The following TARS1 variants were observed in gnomAD, a reference collection of about 807,000 sequenced individuals.
The protein encoded by TARS1 is threonine--tRNA ligase 1, cytoplasmic.
In TARS1, 57 loss-of-function variants were observed where a neutral mutation model predicts 97.7. The observed-to-expected ratio is 0.58, with a 90% CI of 0.47 to 0.73. The LOEUF (loss-of-function observed/expected upper bound fraction) is 0.73. Among genes scored for constraint, TARS1 ranks in the 30% least tolerant of loss-of-function variants. TARS1 has a pLI of 0.00. For missense variants in TARS1, 806 were observed against 888.3 expected, an observed-to-expected ratio of 0.91 and a Z score of 1.18; for synonymous variants, 312 against 293.7, an observed-to-expected ratio of 1.06 and a Z score of -0.64.
At chr5:33,447,810 G>A (rs1741496145) in intron 2 of TARS1, among the ~76,000 whole-genome samples, 1 of 152,216 alleles carries the variant, frequency 6.6e-6, no homozygotes, top group African/African-American at 2.4e-5. Flanking sequence ...GATGAATGCT[G>A]TAGATGTTAG....
intron 8 of TARS1, among the ~76,000 whole-genome samples, chr5:33,456,821 A>G (rs1742038897): frequency 6.6e-6 from 1 of 152,224 alleles, no homozygotes; most frequent in Admixed American, 6.5e-5. Flanking sequence ...CCCCAAAAAG[A>G]CAGAGTGGAG....
chr5:33,467,867 G>GT lies in TARS1; in HGVS notation c.*164dup. On this transcript the variant is annotated 3_prime_UTR_variant, in exon 19 of 19. Transcript: ENST00000265112. ...GGCGTAACTATTTTTGACCTAGTCA[G>GT]TTTTTAAACAATGTGCATTTGAAGG... 2 of 664,094 alleles carry GT rather than the reference G, an allele frequency of 3.0e-6. No individual in the cohort carries two copies. The highest frequency in any genetic ancestry group is 4.7e-6 in the Non-Finnish European group (2 of 422,806). 41.1% of individuals were successfully genotyped at this position (664,094 alleles called of 1,614,324 possible).
chr5:33,457,303 A>G lies in TARS1; in HGVS notation c.884A>G (p.Gln295Arg), dbSNP rs774256480. ...GGCAAAGCAGATATGGAGACTCTCCAGAGAATTTATGGCATTTCATTCCCA... is the reference window on the plus strand; with the variant it reads ...GGCAAAGCAGATATGGAGACTCTCCGGAGAATTTATGGCATTTCATTCCCA... ...WEGKADMETL[Q>R]RIYGISFPDP... Residue 295 changes from glutamine to arginine, a missense_variant, in exon 9 of 19, where the codon CAG becomes CGG. Gln to Arg is a conservative substitution (Grantham distance 43, BLOSUM62 1). Transcript: ENST00000265112. 3.1e-6 allele frequency: 5 copies of G among 1,614,088 alleles called. No homozygotes were observed. The Admixed American group carries it at 5.0e-5, about 16-fold the overall frequency.
intron 6 of TARS1, 141 bp downstream of exon 6, chr5:33,455,845 T>A (rs926910723): frequency 3.1e-6 from 3 of 964,880 alleles, no homozygotes; most frequent in Non-Finnish European, 4.6e-6. Flanking sequence ...ATTATTTTTT[T>A]AATTTCATTT....
intron 2 of TARS1, among the ~76,000 whole-genome samples, chr5:33,447,335 C>T (rs1011686372): frequency 1.3e-5 from 2 of 152,174 alleles, no homozygotes; most frequent in Non-Finnish European, 2.9e-5. Context: ...CAACCTCCAC[C>T]TCCCAGGTTC....
chr5:33,455,829 G>C, intron 6 of TARS1, 125 bp downstream of exon 6: 1 of 1,001,864 alleles, frequency 1.0e-6, no homozygotes, highest in South Asian at 1.7e-5. Flanking sequence ...AAAATTAAGT[G>C]TTTTTATTAT....
chr5:33,443,555 C>A (rs529717303), intron 1 of TARS1, among the ~76,000 whole-genome samples: 1 of 148,960 alleles, frequency 6.7e-6, no homozygotes, highest in Admixed American at 6.7e-5. Context: ...TGCAGTGGCG[C>A]GATCTCTGCT....
chr5:33,452,409 C>G, intron 3 of TARS1: 1 of 1,535,388 alleles, frequency 6.5e-7, no homozygotes, highest in Non-Finnish European at 8.7e-7. Flanking sequence ...ATTCCCTCAT[C>G]TGGAATGCCA....
chr5:33,440,746 G>A, upstream of TARS1: 1 of 459,090 alleles, frequency 2.2e-6, no homozygotes, highest in South Asian at 5.0e-5. Context: ...CGCGCATTGG[G>A]GACTTGACTC....
At chr5:33,466,039 G>A (rs1742512956) in intron 17 of TARS1, 1 of 152,220 alleles carries the variant, frequency 6.6e-6, no homozygotes, top group Admixed American at 6.5e-5. Flanking sequence ...TTGTGATGGT[G>A]ATTCTGCTAG....
intron 9 of TARS1, among the ~76,000 whole-genome samples, chr5:33,457,909 C>A (rs150302819): frequency 0.01 from 1,591 of 152,312 alleles, 16 homozygotes; most frequent in Middle Eastern, 0.031. Context: ...AATAGGCACT[C>A]TGTGCCAGGG....
intron 2 of TARS1, chr5:33,446,677 T>C (rs1741436305): frequency 3.1e-6 from 4 of 1,289,340 alleles, no homozygotes; most frequent in Non-Finnish European, 4.0e-6. Context: ...TGAATGAATG[T>C]TGAAGAGATT....
intron 11 of TARS1, among the ~76,000 whole-genome samples, chr5:33,460,583 G>T (rs1243402802): frequency 6.6e-6 from 1 of 152,238 alleles, no homozygotes; most frequent in Admixed American, 6.5e-5. Context: ...GAGGGCAGAG[G>T]AGGTGAGAGA....
intron 3 of TARS1, among the ~76,000 whole-genome samples, chr5:33,451,050 G>A (rs12187727): frequency 4.9e-4 from 74 of 152,228 alleles, no homozygotes; most frequent in African/African-American, 1.6e-3. Context: ...GGAGGTGGAG[G>A]TTGCAGTGAG....
intron 1 of TARS1, among the ~76,000 whole-genome samples, chr5:33,442,815 T>G (rs1391056535): frequency 3.9e-5 from 6 of 152,196 alleles, no homozygotes; most frequent in African/African-American, 1.2e-4. Context: ...CATTCAGTCT[T>G]CTTAATAACG....
At chr5:33,464,412 T>C (rs139691822) in intron 17 of TARS1, among the ~76,000 whole-genome samples, 1 of 152,330 alleles carries the variant, frequency 6.6e-6, no homozygotes, top group African/African-American at 2.4e-5. Context: ...AGCAGACCAA[T>C]GTCTTGCCTC....
At chr5:33,460,381 GTGT>G (rs1377936825) in intron 11 of TARS1, among the ~76,000 whole-genome samples, 6 of 152,372 alleles carry the variant, frequency 3.9e-5, no homozygotes, top group South Asian at 2.1e-4. Flanking sequence ...ATTACCTAGT[GTGT>G]TGTTGTTTTA....
At position 33,466,826 on chromosome 5, in the gene TARS1, A is replaced by G. The variant is rs76365125; in HGVS notation, c.1909-45A>G. 3,484 of 1,385,772 alleles carry G rather than the reference A, an allele frequency of 2.5e-3. 74 individuals carry two copies. In the African/African-American group the frequency reaches 0.045, roughly 18 times the overall value. The allele number at this position is 1,385,772 out of a possible 1,614,324, so 85.8% of individuals were successfully genotyped here. A position where few individuals can be genotyped will look rare whatever the true frequency, so the allele number is the denominator to read the frequency against. ...TAAAATCATGTGAGATCAAAATATAATTCTGATTTTAGATCTGACAAATTC... is the reference window on the plus strand; with the variant it reads ...TAAAATCATGTGAGATCAAAATATAGTTCTGATTTTAGATCTGACAAATTC... On this transcript the variant is annotated intron_variant, in intron 17 of 18. Transcript: ENST00000265112.
chr5:33,465,362 G>A (rs1452850995), intron 17 of TARS1, among the ~76,000 whole-genome samples: 2 of 152,176 alleles, frequency 1.3e-5, no homozygotes, highest in Admixed American at 1.3e-4. Context: ...GTGGTGGTAA[G>A]CTTTTCTTTT....
Sources: gnomAD v4.1 joint callset for allele counts (sites outside exome capture counted in the v4.1 genomes callset) on GRCh38, gnomAD v4.1.1 for gene constraint, MANE v1.5 for transcripts, NCBI Gene and HGNC (gene_info 2026-07-23, HGNC 2026-07-21) for gene names.